ACADL: variants seen among roughly 807,000 people sequenced by gnomAD.
ACADL encodes the protein long-chain specific acyl-CoA dehydrogenase, mitochondrial.
A neutral mutation model predicts 56.9 loss-of-function variants in ACADL; 60 were observed. That is an observed-to-expected ratio of 1.05 (90% CI 0.86 to 1.31). The LOEUF is 1.31. Among genes scored for constraint, ACADL ranks in the 50% most tolerant of loss-of-function variants. ACADL has a pLI of 0.00. For synonymous variants in ACADL, 158 were observed against 179.7 expected (o/e 0.88, Z 0.97); for missense variants, 484 against 525.5 (o/e 0.92, Z 0.77).
intron 8 of ACADL, among the ~76,000 whole-genome samples, chr2:210,201,533 A>G (rs1688792942): frequency 6.6e-6 from 1 of 152,220 alleles, no homozygotes; most frequent in Admixed American, 6.5e-5. Flanking sequence ...ACACGACTAG[A>G]CTACGGAGAT....
chr2:210,198,536 C>T (rs1306885223), intron 8 of ACADL, among the ~76,000 whole-genome samples: 3 of 151,986 alleles, frequency 2.0e-5, no homozygotes, highest in Non-Finnish European at 2.9e-5. Flanking sequence ...AAAAACATTC[C>T]ATTTTCACTT....
At chr2:210,209,169 G>T (rs1688940466) in intron 5 of ACADL, among the ~76,000 whole-genome samples, 1 of 152,156 alleles carries the variant, frequency 6.6e-6, no homozygotes, top group Admixed American at 6.6e-5. Context: ...ATTCAATTTT[G>T]TAAATACAGA....
chr2:210,198,160 T>C (rs555413885), intron 8 of ACADL, among the ~76,000 whole-genome samples: 1 of 152,314 alleles, frequency 6.6e-6, no homozygotes, highest in South Asian at 2.1e-4. Flanking sequence ...TAAAAATTAT[T>C]CTGAAGTTAC....
At chr2:210,210,386 T>C in intron 4 of ACADL, 124 bp from the exon 5 acceptor site, 1 of 695,860 alleles carries the variant, frequency 1.4e-6, no homozygotes, top group East Asian at 2.9e-5. Flanking sequence ...TTGCTGAGTA[T>C]TAAGAATGTT....
In ACADL at chr2:210,214,509, A is replaced by AAGAAAGAAAGAAAGAAAGAAAGAAAG. The variant is rs1553690970; in HGVS notation, c.536+1837_536+1838insCTTTCTTTCTTTCTTTCTTTCTTTCT. Among the ~76,000 whole-genome samples the AAGAAAGAAAGAAAGAAAGAAAGAAAG allele has an allele frequency of 3.1e-3, 59 of 18,926 alleles. 1 individual carries two copies. Among genetic ancestry groups the AAGAAAGAAAGAAAGAAAGAAAGAAAG allele is most frequent in the African/African-American group, 4.5e-3 (54 of 12,002 alleles). The allele number at this position is 18,926 out of a possible 152,430, so 12.4% of individuals were successfully genotyped here. A position where few individuals can be genotyped will look rare whatever the true frequency, so the allele number is the denominator to read the frequency against. On this transcript the variant is annotated intron_variant, in intron 4 of 10. Transcript: ENST00000233710. ...AAAGAAAGAAAGAAAGAAAGAAAGA[A>AAGAAAGAAAGAAAGAAAGAAAGAAAG]AAAGAAAGAAAGAAAGAAAGAAATC... is the stretch of plus-strand genomic sequence containing the variant.
At chr2:210,219,189 T>C (rs1011619154) in intron 2 of ACADL, among the ~76,000 whole-genome samples, 1 of 152,240 alleles carries the variant, frequency 6.6e-6, no homozygotes, top group Non-Finnish European at 1.5e-5. Context: ...TGTCAGCTCC[T>C]ATTATTTTAT....
At chr2:210,208,830 T>C (rs1481674628) in intron 5 of ACADL, among the ~76,000 whole-genome samples, 1 of 152,232 alleles carries the variant, frequency 6.6e-6, no homozygotes, top group Non-Finnish European at 1.5e-5. Flanking sequence ...GCACCGTATT[T>C]GCTTACCCAT....
Position 210,195,163 on chromosome 2 carries a change from A to T in ACADL, c.1112+48T>A, listed in dbSNP as rs777703575. The T allele has an allele frequency of 1.2e-5, 19 of 1,612,718 alleles. No individual in the cohort carries two copies. In the Middle Eastern group the frequency reaches 6.6e-4, roughly 56 times the overall value. ...CTGAGCTTAAAATTGGCAGAATTCC[A>T]TATCAGTCTGAGCACACACCGCACT... On this transcript the variant is annotated intron_variant, in intron 9 of 10. Transcript: ENST00000233710.
At chr2:210,195,503 TA>T (rs1305685551) in intron 8 of ACADL, among the ~76,000 whole-genome samples, 165 bp from the exon 9 acceptor site, 2 of 152,222 alleles carry the variant, frequency 1.3e-5, no homozygotes, top group African/African-American at 2.4e-5. Flanking sequence ...CAAATCAGCT[TA>T]AATTTAAAAC....
chr2:210,215,398 C>T (rs1262698872), intron 4 of ACADL, among the ~76,000 whole-genome samples: 2 of 152,164 alleles, frequency 1.3e-5, no homozygotes, highest in Non-Finnish European at 2.9e-5. Context: ...ACATTACTAA[C>T]TTCTTTCTCC....
intron 1 of ACADL, among the ~76,000 whole-genome samples, chr2:210,221,619 C>A (rs1689176580): frequency 6.6e-6 from 1 of 151,996 alleles, no homozygotes; most frequent in African/African-American, 2.4e-5. Flanking sequence ...TGGACTCTGC[C>A]TTTTCTTTTC....
rs1160961759 is a variant in ACADL, at chr2:210,205,612, T to C, written c.768+20A>G. 2 of 1,611,544 alleles carry C rather than the reference T, an allele frequency of 1.2e-6. No homozygotes were observed. The highest frequency in any genetic ancestry group is 2.2e-5 in the East Asian group (1 of 44,826). ...AGTAAACTCAATTAGTATCTGAATA[T>C]GATTTACATTATCACTCACCTGGGC... On this transcript the variant is annotated intron_variant, in intron 6 of 10. Coordinates refer to ENST00000233710, the MANE Select transcript of ACADL (RefSeq NM_001608.4).
chr2:210,188,005 GCTTA>G lies in ACADL; in HGVS notation c.*952_*955del, dbSNP rs1447704042. ...ATTTCCTCACTTTTGAATTTTAAAT[GCTTA>G]CTTTATTATTTACATTGCACTTATG... On this transcript the variant is annotated 3_prime_UTR_variant, in exon 11 of 11. Coordinates refer to ENST00000233710, the MANE Select transcript of ACADL (RefSeq NM_001608.4). The G allele has an allele frequency of 1.3e-5, 2 of 151,984 alleles. No individual in the cohort carries two copies. The highest frequency in any genetic ancestry group is 4.8e-5 in the African/African-American group (2 of 41,380). 9.4% of individuals were successfully genotyped at this position (151,984 alleles called of 1,614,324 possible).
chr2:210,204,788 A>C, intron 6 of ACADL, 106 bp from the exon 7 acceptor site: 2 of 930,456 alleles, frequency 2.1e-6, no homozygotes, highest in African/African-American at 1.6e-5. Context: ...CAAAACACAA[A>C]TTGGAAGCCA....
At chr2:210,221,763 C>G (rs1433399555) in intron 1 of ACADL, among the ~76,000 whole-genome samples, 3 of 147,094 alleles carry the variant, frequency 2.0e-5, no homozygotes, top group Non-Finnish European at 4.5e-5. Flanking sequence ...GAGTCTGGCT[C>G]TGTCGCCCAG....
chr2:210,215,621 A>G (rs1689073974), intron 4 of ACADL, among the ~76,000 whole-genome samples: 1 of 152,132 alleles, frequency 6.6e-6, no homozygotes, highest in Non-Finnish European at 1.5e-5. Flanking sequence ...TCCCATTCTT[A>G]TAAAACTGGT....
intron 10 of ACADL, among the ~76,000 whole-genome samples, chr2:210,191,996 A>C (rs1688640757): frequency 6.6e-6 from 1 of 152,192 alleles, no homozygotes; most frequent in South Asian, 2.1e-4. Context: ...CAAACTGATA[A>C]GAATATTCAT....
At position 210,217,972 on chromosome 2, in the gene ACADL, C is replaced by A; in HGVS notation, c.364G>T (p.Glu122Ter). The A allele has an allele frequency of 6.2e-7, 1 of 1,614,038 alleles. No homozygotes were observed. The highest frequency in any genetic ancestry group is 1.1e-5 in the South Asian group (1 of 91,080). The change falls in exon 3 of 11, where the codon GAG (glutamate) becomes TAG (stop). Residue 122 changes from glutamate to a stop codon, truncating the protein, a stop_gained. Coordinates refer to ENST00000233710, the MANE Select transcript of ACADL (RefSeq NM_001608.4). LOFTEE classifies it high-confidence loss of function. ...GDLYSAAIVW[E>*]EQAYSNCSGP... is the part of the protein sequence containing the mutation. ...AAAAGTCTCCATACTTACTGCTCCT[C>A]CCAGACAATAGCTGCGGAGTACAGA...
At chr2:210,223,366 T>C (rs1395564653) in intron 1 of ACADL, among the ~76,000 whole-genome samples, 2 of 152,090 alleles carry the variant, frequency 1.3e-5, no homozygotes, top group Admixed American at 1.3e-4. Context: ...TTTTAAAGTC[T>C]CCTACATTTT....
Sources: gnomAD v4.1 joint callset for allele counts (sites outside exome capture counted in the v4.1 genomes callset) on GRCh38, gnomAD v4.1.1 for gene constraint, MANE v1.5 for transcripts, NCBI Gene and HGNC (gene_info 2026-07-23, HGNC 2026-07-21) for gene names.